PCDHA2: variants seen among roughly 807,000 people sequenced by gnomAD.
PCDHA2 encodes protocadherin alpha-2.
In PCDHA2, 58 loss-of-function variants were observed where a neutral mutation model predicts 66.0. The observed-to-expected ratio is 0.88, with a 90% CI of 0.71 to 1.09. The LOEUF (loss-of-function observed/expected upper bound fraction) is 1.09. PCDHA2 is among the 50% of genes least tolerant of loss of function. PCDHA2 has a pLI of 0.00. For missense variants in PCDHA2, 1,267 were observed against 1,242.3 expected (o/e 1.02, Z -0.30); for synonymous variants, 634 against 554.0 (o/e 1.14, Z -2.03).
chr5:140,952,724 C>T (rs1481919445), intron 1 of PCDHA2, among the ~76,000 whole-genome samples: 1 of 152,100 alleles, frequency 6.6e-6, no homozygotes, highest in African/African-American at 2.4e-5. Flanking sequence ...ATTTTCTGTA[C>T]TAGTCTTTTC....
intron 1 of PCDHA2, among the ~76,000 whole-genome samples, chr5:140,891,044 C>G (rs1167178710): frequency 6.6e-6 from 1 of 152,030 alleles, no homozygotes; most frequent in Non-Finnish European, 1.5e-5. Flanking sequence ...GTGTGACCCC[C>G]ACAGCACATA....
intron 1 of PCDHA2, chr5:140,805,152 T>G: frequency 6.4e-7 from 1 of 1,561,178 alleles, no homozygotes; most frequent in Non-Finnish European, 8.6e-7. Flanking sequence ...TTTGGAATTT[T>G]CACTTCACAG....
chr5:140,903,765 C>G (rs782453519), intron 1 of PCDHA2, among the ~76,000 whole-genome samples: 1 of 152,086 alleles, frequency 6.6e-6, no homozygotes. Flanking sequence ...TTTTGCTGAA[C>G]TTTTCTATCC....
intron 1 of PCDHA2, chr5:140,809,231 G>A (rs538670718): frequency 6.2e-7 from 1 of 1,614,098 alleles, no homozygotes; most frequent in East Asian, 2.2e-5. Flanking sequence ...CTCCTCACGG[G>A]CGTTGGTGGG....
At chr5:141,005,422 A>G (rs1383654342) in intron 3 of PCDHA2, among the ~76,000 whole-genome samples, 3 of 152,132 alleles carry the variant, frequency 2.0e-5, no homozygotes, top group African/African-American at 7.2e-5. Flanking sequence ...AGTCATGCTA[A>G]GAATGGATGA....
chr5:140,895,281 A>C (rs2064944456), intron 1 of PCDHA2, among the ~76,000 whole-genome samples: 1 of 152,118 alleles, frequency 6.6e-6, no homozygotes, highest in South Asian at 2.1e-4. Context: ...GGATAATTGA[A>C]TTAGGACCTT....
chr5:140,989,630 G>C (rs1483532761), intron 3 of PCDHA2, among the ~76,000 whole-genome samples: 4 of 152,228 alleles, frequency 2.6e-5, no homozygotes, highest in Admixed American at 2.6e-4. Context: ...CCTAGTGACA[G>C]CAAGGGTCTT....
intron 1 of PCDHA2, chr5:140,816,193 T>G (rs1765862162): frequency 6.6e-6 from 1 of 152,218 alleles, no homozygotes; most frequent in Non-Finnish European, 1.5e-5. Context: ...TTTACTCTCT[T>G]TCATTTCTTG....
chr5:140,857,377 G>A (rs1347476888), intron 1 of PCDHA2: 1 of 1,598,358 alleles, frequency 6.3e-7, no homozygotes, highest in African/African-American at 1.3e-5. Context: ...TGTCTGTGGA[G>A]GTGGCCGACG....
chr5:140,843,522 C>A lies in PCDHA2; in HGVS notation c.2388+46170C>A, dbSNP rs1554140167. 1.9e-6 allele frequency: 3 copies of A among 1,595,678 alleles called. No individual in the cohort carries two copies. In the South Asian group the frequency reaches 3.3e-5, roughly 18 times the overall value. On this transcript the variant is annotated intron_variant, in intron 1 of 3. Transcript: ENST00000526136. ...CTGCCCACTGAGGGCGGGTGCCGGGCGGGCAAGCCCACTCTGGTGTGCTCC... is the reference window on the plus strand; with the variant it reads ...CTGCCCACTGAGGGCGGGTGCCGGGAGGGCAAGCCCACTCTGGTGTGCTCC...
At chr5:140,805,388 T>A in intron 1 of PCDHA2, 2 of 1,093,934 alleles carry the variant, frequency 1.8e-6, no homozygotes, top group Non-Finnish European at 1.1e-6. Context: ...GTACTCTGGT[T>A]TCTGTTTGAT....
At chr5:140,820,528 T>C (rs1766776275) in intron 1 of PCDHA2, among the ~76,000 whole-genome samples, 1 of 152,078 alleles carries the variant, frequency 6.6e-6, no homozygotes, top group South Asian at 2.1e-4. Flanking sequence ...GAATGTTAGC[T>C]ATTTCTTCAA....
intron 1 of PCDHA2, chr5:140,843,075 T>C: frequency 6.3e-7 from 1 of 1,595,272 alleles, no homozygotes; most frequent in Non-Finnish European, 8.6e-7. Context: ...CCGCGGTCTG[T>C]GGGCGCGGGC....
intron 1 of PCDHA2, among the ~76,000 whole-genome samples, chr5:140,970,594 T>C (rs975404675): frequency 6.6e-6 from 1 of 152,206 alleles, no homozygotes; most frequent in Admixed American, 6.5e-5. Flanking sequence ...ATATGCTTTG[T>C]GATACTTAAA....
intron 1 of PCDHA2, chr5:140,811,587 A>C (rs1764911174): frequency 6.6e-6 from 1 of 152,186 alleles, no homozygotes; most frequent in South Asian, 2.1e-4. Flanking sequence ...TGTCTTCCAC[A>C]ATGGTTGAAC....
Position 140,849,909 on chromosome 5 carries a change from T to A in PCDHA2, c.2388+52557T>A. ...CGTGAAGGAGAACAACCCGCCGGGC[T>A]GCCACATCTTCACGGTGTCTGCGCG... On this transcript the variant is annotated intron_variant, in intron 1 of 3. Coordinates refer to ENST00000526136, the MANE Select transcript of PCDHA2 (RefSeq NM_018905.3). The A allele has an allele frequency of 3.8e-6, 6 of 1,598,300 alleles. 2 individuals carry two copies. The highest frequency in any genetic ancestry group is 5.1e-6 in the Non-Finnish European group (6 of 1,167,786).
intron 1 of PCDHA2, chr5:140,882,793 C>T (rs1176435531): frequency 1.9e-6 from 3 of 1,614,210 alleles, no homozygotes; most frequent in Non-Finnish European, 2.5e-6. Context: ...TGGATCCCAA[C>T]GATTATTTCA....
chr5:140,947,586 A>G (rs958279437), intron 1 of PCDHA2, among the ~76,000 whole-genome samples: 1 of 151,670 alleles, frequency 6.6e-6, no homozygotes, highest in Non-Finnish European at 1.5e-5. Context: ...TAACATTTAG[A>G]TCAATTTAGG....
intron 1 of PCDHA2, among the ~76,000 whole-genome samples, chr5:140,798,984 A>G (rs946399641): frequency 6.6e-6 from 1 of 152,242 alleles, no homozygotes. Flanking sequence ...CAGAATATCC[A>G]TTTCCAAGTA....
Sources: allele counts gnomAD v4.1 joint callset (sites outside exome capture counted in the v4.1 genomes callset), GRCh38; gene constraint gnomAD v4.1.1; transcripts MANE v1.5; gene names NCBI Gene and HGNC (gene_info 2026-07-23, HGNC 2026-07-21).